ASB4: variants seen among roughly 807,000 people sequenced by gnomAD.
The protein encoded by ASB4 is ankyrin repeat and SOCS box containing 4, also known as ankyrin repeat and SOCS box protein 4.
A neutral mutation model predicts 38.6 loss-of-function variants in ASB4; 35 were observed. The ratio of observed to expected loss-of-function variants is 0.91; its 90% CI spans 0.69 to 1.20. ASB4 has a LOEUF of 1.20. ASB4 is among the 50% of genes most tolerant of loss of function. ASB4 has a pLI of 0.00. For synonymous variants in ASB4, 195 were observed against 201.3 expected (o/e 0.97, Z 0.26); for missense variants, 557 against 527.2 (o/e 1.06, Z -0.55).
chr7:95,530,539 C>T (rs977523447), intron 3 of ASB4, among the ~76,000 whole-genome samples: 1 of 151,950 alleles, frequency 6.6e-6, no homozygotes, highest in Non-Finnish European at 1.5e-5. Flanking sequence ...GCATTCCAGG[C>T]CTAAGGAAAA....
At chr7:95,518,535 A>G (rs1407153616) in intron 2 of ASB4, among the ~76,000 whole-genome samples, 1 of 152,248 alleles carries the variant, frequency 6.6e-6, no homozygotes, top group African/African-American at 2.4e-5. Context: ...TGTCTTTACA[A>G]CAGCATAATT....
intron 3 of ASB4, among the ~76,000 whole-genome samples, chr7:95,533,834 A>G (rs930965564): frequency 6.6e-6 from 1 of 152,236 alleles, no homozygotes; most frequent in African/African-American, 2.4e-5. Context: ...CCTTGCACAT[A>G]GTAAGTCCTC....
rs1328273223 is a variant in ASB4 at position 95,538,884 on chromosome 7, G to A, written c.*1125G>A. On this transcript the variant is annotated 3_prime_UTR_variant, in exon 5 of 5. Transcript: ENST00000325885. ...TAGCATTGTAGCTAAGAGATAAGGA[G>A]CACTTTGCTAGTGACAGTGGGCTAC... The A allele has an allele frequency of 6.6e-6, 1 of 152,194 alleles. No individual in the cohort carries two copies. The highest frequency in any genetic ancestry group is 2.4e-5 in the African/African-American group (1 of 41,454). The allele number at this position is 152,194 out of a possible 1,614,324, so 9.4% of individuals were successfully genotyped here.
chr7:95,528,760 T>C (rs1790781363), intron 3 of ASB4: 1 of 910,640 alleles, frequency 1.1e-6, no homozygotes, highest in Admixed American at 5.3e-5. Context: ...GTACTAAAAT[T>C]ATATTTATTA....
At chr7:95,536,920 T>A (rs1347216936) in intron 4 of ASB4, among the ~76,000 whole-genome samples, 1 of 152,040 alleles carries the variant, frequency 6.6e-6, no homozygotes, top group African/African-American at 2.4e-5. Context: ...CTTTTAAATA[T>A]CATGAAGTGA....
chr7:95,523,615 T>C (rs1301727327), intron 2 of ASB4, among the ~76,000 whole-genome samples: 1 of 152,206 alleles, frequency 6.6e-6, no homozygotes, highest in Non-Finnish European at 1.5e-5. Context: ...CTTTTGGTAG[T>C]TATTAATAAA....
chr7:95,508,763 A>G (rs1245100181), intron 2 of ASB4, among the ~76,000 whole-genome samples: 11 of 152,190 alleles, frequency 7.2e-5, no homozygotes, highest in Non-Finnish European at 1.5e-4. Flanking sequence ...TATTAAAATG[A>G]TAAAATATGG....
rs117755498 is a variant in ASB4, at chr7:95,521,200, A to G, written c.488-6613A>G. Among the ~76,000 whole-genome samples the G allele has an allele frequency of 3.2e-3, 494 of 152,186 alleles. 4 individuals carry two copies. Among genetic ancestry groups the G allele is most frequent in the Non-Finnish European group, 5.1e-3 (344 of 67,962 alleles). ...TTTATATATTCTGATTATGTTTTCA[A>G]TACATAAAGAAATGTTTCCTTTTTG... On this transcript the variant is annotated intron_variant, in intron 2 of 4. Transcript: ENST00000325885.
the ASB4 span, among the ~76,000 whole-genome samples, chr7:95,546,597 T>C: frequency 1.3e-5 from 2 of 152,186 alleles, no homozygotes; most frequent in Non-Finnish European, 1.5e-5. Flanking sequence ...TTCTCTCCTT[T>C]TGAGCCCAGA....
chr7:95,512,969 A>C (rs1790503446), intron 2 of ASB4, among the ~76,000 whole-genome samples: 1 of 152,222 alleles, frequency 6.6e-6, no homozygotes. Flanking sequence ...CTTTGAGATG[A>C]GGAGATTATC....
intron 3 of ASB4, chr7:95,528,807 T>C: frequency 1.9e-6 from 1 of 536,692 alleles, no homozygotes; most frequent in Non-Finnish European, 2.4e-6. Context: ...AAGCATTTTG[T>C]ATGTCTTCAT....
chr7:95,515,219 T>TTCTTTCTTTCTTTC lies in ASB4; in HGVS notation c.488-12581_488-12580insCTCTTTCTTTCTTT, dbSNP rs1554349231. On this transcript the variant is annotated intron_variant, in intron 2 of 4. Transcript: ENST00000325885. ...TTTCTTTCTTTCTTTCTTTCTTTCT[T>TTCTTTCTTTCTTTC]TCTTTCTTTCTTTTTCTTTCTTTCT... 1.6e-3 allele frequency among the ~76,000 whole-genome samples: 211 copies of TTCTTTCTTTCTTTC among 130,922 alleles called. 2 individuals are homozygous for TTCTTTCTTTCTTTC. Among genetic ancestry groups the TTCTTTCTTTCTTTC allele is most frequent in the African/African-American group, 6.1e-3 (189 of 30,972 alleles). 85.9% of individuals were successfully genotyped at this position (130,922 alleles called of 152,430 possible).
At position 95,527,888 on chromosome 7, in the gene ASB4, C is replaced by T. The variant is rs375907091; in HGVS notation, c.563C>T (p.Ser188Leu). The T allele has an allele frequency of 6.2e-6, 10 of 1,613,862 alleles. No individual in the cohort carries two copies. The African/African-American group carries it at 9.3e-5, about 15-fold the overall frequency. ...PLHTAAHFGLSELVAFYVEHG... is the reference protein window; with the variant it reads ...PLHTAAHFGLLELVAFYVEHG... ...CACACGGCTGCCCACTTCGGCCTTT[C>T]GGAGCTGGTGGCCTTCTACGTGGAA... is the stretch of plus-strand genomic sequence containing the variant. Residue 188 changes from serine to leucine, a missense_variant, in exon 3 of 5, where the codon TCG becomes TTG. Transcript: ENST00000325885.
upstream of ASB4, chr7:95,485,941 T>A: frequency 8.1e-6 from 13 of 1,603,960 alleles, no homozygotes; most frequent in Non-Finnish European, 1.1e-5. Context: ...TCTCGATAAA[T>A]CACAACAAAG....
chr7:95,545,602 T>C, the ASB4 span, among the ~76,000 whole-genome samples: 1 of 152,208 alleles, frequency 6.6e-6, no homozygotes, highest in Non-Finnish European at 1.5e-5. Flanking sequence ...TTCTCATTCC[T>C]GGGTGTGGTT....
chr7:95,540,729 T>C (rs939538419), downstream of ASB4, among the ~76,000 whole-genome samples: 7 of 152,270 alleles, frequency 4.6e-5, no homozygotes, highest in Non-Finnish European at 8.8e-5. Context: ...ATCACCTATC[T>C]TGTTTTCTCT....
intron 2 of ASB4, among the ~76,000 whole-genome samples, chr7:95,503,133 T>A (rs574915716): frequency 1.3e-5 from 2 of 152,326 alleles, no homozygotes; most frequent in South Asian, 4.1e-4. Context: ...AGCTAATGTT[T>A]AACTGTAGCT....
intron 2 of ASB4, among the ~76,000 whole-genome samples, chr7:95,510,126 TA>T (rs150813202): frequency 1.7e-4 from 25 of 149,534 alleles, no homozygotes; most frequent in South Asian, 4.2e-4. Flanking sequence ...AGGCTTTTCT[TA>T]AAAAAAAAAT....
chr7:95,494,027 A>G (rs1790211761), intron 1 of ASB4, among the ~76,000 whole-genome samples: 3 of 152,224 alleles, frequency 2.0e-5, no homozygotes, highest in African/African-American at 2.4e-5. Context: ...CCAGGAGCAC[A>G]TTTCACAGAG....
Sources: allele counts gnomAD v4.1 joint callset (sites outside exome capture counted in the v4.1 genomes callset), GRCh38; gene constraint gnomAD v4.1.1; transcripts MANE v1.5; gene names NCBI Gene and HGNC (gene_info 2026-07-23, HGNC 2026-07-21).